Variants in COL20A1 observed in about 807,000 individuals in gnomAD.
The protein encoded by COL20A1 is collagen alpha-1(XX) chain.
A neutral mutation model predicts 152.9 loss-of-function variants in COL20A1; 164 were observed. The ratio of observed to expected loss-of-function variants is 1.07; its 90% CI spans 0.94 to 1.22. The LOEUF (loss-of-function observed/expected upper bound fraction) is 1.22. Among genes scored for constraint, COL20A1 ranks in the 50% most tolerant of loss-of-function variants. The pLI, the probability that COL20A1 is intolerant of heterozygous loss-of-function variation, is 0.00. For missense variants in COL20A1, 1,873 were observed against 1,744.8 expected (o/e 1.07, Z -1.31); for synonymous variants, 864 against 756.0 (o/e 1.14, Z -2.34).
intron 2 of COL20A1, among the ~76,000 whole-genome samples, chr20:63,295,681 G>A (rs1224105926): frequency 6.6e-6 from 1 of 152,216 alleles, no homozygotes; most frequent in African/African-American, 2.4e-5. Context: ...GCTGCTACTG[G>A]TTGGGGCGTT....
chr20:63,328,165 C>T, intron 33 of COL20A1, 38 bp downstream of exon 33: 1 of 1,609,534 alleles, frequency 6.2e-7, no homozygotes, highest in Non-Finnish European at 8.5e-7. Context: ...GCCAGCAGCC[C>T]TGCACCTGTG....
intron 20 of COL20A1, among the ~76,000 whole-genome samples, chr20:63,315,674 A>C (rs770550734): frequency 2.6e-5 from 4 of 152,232 alleles, no homozygotes; most frequent in Non-Finnish European, 4.4e-5. Context: ...GGCAGAGCCC[A>C]GGCAGCGCTG....
In COL20A1 at chr20:63,319,968, C is replaced by A; in HGVS notation, c.2917-71C>A. The A allele has an allele frequency of 1.5e-6, 2 of 1,325,806 alleles. No homozygotes were observed. The highest frequency in any genetic ancestry group is 2.0e-6 in the Non-Finnish European group (2 of 1,012,982). The allele number at this position is 1,325,806 out of a possible 1,614,324, so 82.1% of individuals were successfully genotyped here. A position where few individuals can be genotyped will look rare whatever the true frequency, so the allele number is the denominator to read the frequency against. ...GATGGGTGTTACTCCCCAGCCCTGG[C>A]CTGGCCTTGGGGGCTCAGGTGGGCA... On this transcript the variant is annotated intron_variant, in intron 23 of 35. Transcript: ENST00000358894. The surrounding 1 kb of genome is among the most constrained non-coding windows in gnomAD (Gnocchi z 4.4).
rs755838084 is a variant in COL20A1, at chr20:63,309,824, C to A, written c.1172C>A (p.Ser391Tyr). The stretch of plus-strand genomic sequence containing the variant: ...CTGGTCCTGAGCCAGGTGACCTCCT[C>A]CAGCATCCGCCTGTCCTGGACTCCA... The part of the protein sequence containing the change: ...TSLVLSQVTS[S>Y]SIRLSWTPAP... Residue 391 changes from serine (S) to tyrosine (Y), a missense_variant, in exon 10 of 36, where the codon TCC (serine) becomes TAC (tyrosine). Transcript: ENST00000358894. 6.2e-7 allele frequency: 1 copy of A among 1,610,430 alleles called. No homozygotes were observed. The highest frequency in any genetic ancestry group is 1.1e-5 in the South Asian group (1 of 90,662).
rs767461715 is a variant in COL20A1, at chr20:63,310,449, C to G, written c.1332C>G (p.Val444=). 5.0e-6 allele frequency: 8 copies of G among 1,609,498 alleles called. No homozygotes were observed. The African/African-American group carries it at 9.4e-5, about 19-fold the overall frequency. ...TGGCCTCCCGCACAGAGTACCTGGT[C>G]TCCGTGTTCCCCATCTATGAGGGCG... is the stretch of plus-strand genomic sequence containing the variant. ...HNLASRTEYL[V]SVFPIYEGGV... Residue 444 remains valine, a synonymous_variant, in exon 11 of 36, where the codon GTC becomes GTG. Coordinates refer to ENST00000358894, the MANE Select transcript of COL20A1 (RefSeq NM_020882.4).
chr20:63,305,198 T>C lies in COL20A1; in HGVS notation c.194-219T>C, dbSNP rs1017203879. Among the ~76,000 whole-genome samples the C allele has an allele frequency of 6.6e-6, 1 of 151,810 alleles. No homozygotes were observed. Among genetic ancestry groups the C allele is most frequent in the Non-Finnish European group, 1.5e-5 (1 of 67,932 alleles). ...GATTCCTCTAGGGGGGTTTAGTAAG[T>C]GACATCTTCTTTTCACCGCCCCAAG... On this transcript the variant is annotated intron_variant, in intron 3 of 35. Coordinates refer to ENST00000358894, the MANE Select transcript of COL20A1 (RefSeq NM_020882.4). The surrounding 1 kb of genome is among the most constrained non-coding windows in gnomAD (Gnocchi z 4.9).
At chr20:63,312,709 G>T in intron 15 of COL20A1, 83 bp from the exon 16 acceptor site, 1 of 1,468,644 alleles carries the variant, frequency 6.8e-7, no homozygotes, top group South Asian at 1.3e-5. Context: ...GGGGTATAGG[G>T]TGCTCCTGGG....
chr20:63,329,781 G>A (rs2068308131), intron 35 of COL20A1, 120 bp downstream of exon 35: 3 of 696,248 alleles, frequency 4.3e-6, no homozygotes, highest in Non-Finnish European at 2.3e-6. Context: ...GGAGCACAAG[G>A]CCCAGCAGAG....
rs114790522 is a variant in COL20A1 at position 63,326,127 on chromosome 20, T to C, written c.3434T>C (p.Leu1145Pro). 5.4e-4 allele frequency: 875 copies of C among 1,612,566 alleles called. 1 individual carries two copies. In the African/African-American group the frequency reaches 8.1e-3, roughly 15 times the overall value. Residue 1145 changes from leucine to proline, a missense_variant, in exon 30 of 36, where the codon CTG becomes CCG. Leu to Pro is a moderately conservative substitution (Grantham distance 98). Transcript: ENST00000358894. Reference sequence around the variant, plus strand: ...AGAGGCCTGGAGGGAACTGCTGGCCTGCCTGGACCCCCTGGCCCCAGGGTA... The same window carrying C: ...AGAGGCCTGGAGGGAACTGCTGGCCCGCCTGGACCCCCTGGCCCCAGGGTA... ...GMRGLEGTAG[L>P]PGPPGPRGFQ...
intron 26 of COL20A1, 86 bp from the exon 27 acceptor site, chr20:63,321,972 C>A: frequency 1.8e-6 from 2 of 1,119,460 alleles, no homozygotes; most frequent in Non-Finnish European, 2.5e-6. Flanking sequence ...TCAGGGTGGG[C>A]CAGGCATGGG....
intron 34 of COL20A1, among the ~76,000 whole-genome samples, chr20:63,328,907 C>T (rs901191297): frequency 6.6e-6 from 1 of 151,998 alleles, no homozygotes; most frequent in African/African-American, 2.4e-5. Context: ...ACCCAGCGCA[C>T]AGTCGCAGGC....
At position 63,313,615 on chromosome 20, in the gene COL20A1, G is replaced by C. The variant is rs1363214237; in HGVS notation, c.2210-128G>C. 2 of 900,424 alleles carry C rather than the reference G, an allele frequency of 2.2e-6. No homozygotes were observed. The highest frequency in any genetic ancestry group is 3.4e-5 in the African/African-American group (2 of 59,290). 55.8% of individuals were successfully genotyped at this position (900,424 alleles called of 1,614,324 possible). ...CAGGGGGGTGATGCGGGCTGTGGTA[G>C]GGGTGTGGCATGATGTGGTGGAGGC... On this transcript the variant is annotated intron_variant, in intron 17 of 35. Coordinates refer to ENST00000358894, the MANE Select transcript of COL20A1 (RefSeq NM_020882.4). The surrounding 1 kb of genome is among the most constrained non-coding windows in gnomAD (Gnocchi z 5.9).
chr20:63,325,252 G>A (rs6089883), intron 27 of COL20A1, 189 bp from the exon 28 acceptor site: 9,976 of 704,638 alleles, frequency 0.014, 608 homozygotes, highest in African/African-American at 0.14. Flanking sequence ...GGCCCTACCC[G>A]CTGCCTGTGT....
At chr20:63,328,173 G>A (rs2068280100) in intron 33 of COL20A1, 46 bp downstream of exon 33, 18 of 1,605,366 alleles carry the variant, frequency 1.1e-5, no homozygotes, top group Non-Finnish European at 1.4e-5. Context: ...CCCTGCACCT[G>A]TGCCTACCAC....
At chr20:63,324,639 C>CAG (rs2068217303) in intron 27 of COL20A1, 1 of 152,556 alleles carries the variant, frequency 6.6e-6, no homozygotes, top group Admixed American at 6.5e-5. Context: ...CGTCGAAAAT[C>CAG]TGACGTGGTC....
intron 5 of COL20A1, 31 bp from the exon 6 acceptor site, chr20:63,307,459 C>A: frequency 1.3e-6 from 2 of 1,598,488 alleles, no homozygotes. Context: ...ATGGGCCTCA[C>A]CTAGCACCTG....
rs568565655 is a variant in COL20A1, at chr20:63,332,333, G to A, written c.*1617G>A. ...AGGACACCTAGGTCACTTGGCTTCT[G>A]TTGGGGAGCTGAGTTGCTTCAGATT... On this transcript the variant is annotated 3_prime_UTR_variant, in exon 36 of 36. Transcript: ENST00000358894. 3.3e-5 allele frequency: 5 copies of A among 152,460 alleles called. No homozygotes were observed. In the South Asian group the frequency reaches 1.0e-3, roughly 32 times the overall value. The allele number at this position is 152,460 out of a possible 1,614,324, so 9.4% of individuals were successfully genotyped here.
rs767600616 is a variant in COL20A1 at position 63,311,784 on chromosome 20, G to A, written c.1663+36G>A. The A allele has an allele frequency of 1.2e-5, 19 of 1,562,212 alleles. No individual in the cohort carries two copies. The highest frequency in any genetic ancestry group is 8.1e-5 in the South Asian group (7 of 86,272). ...CAACCCCGGCTGCCTGCCCACAGGC[G>A]GGTGCCCCATCTTGTTCCTCAGCCT... On this transcript the variant is annotated intron_variant, in intron 13 of 35. Coordinates refer to ENST00000358894, the MANE Select transcript of COL20A1 (RefSeq NM_020882.4). This position sits in a 1 kb window ranked among gnomAD's most constrained non-coding sequence, Gnocchi z 4.4.
chr20:63,325,084 C>T (rs1402162180), intron 27 of COL20A1: 1 of 399,222 alleles, frequency 2.5e-6, no homozygotes, highest in East Asian at 5.9e-5. Context: ...TGGGTTCTCC[C>T]AGACCCTCCC....
Sources: gnomAD v4.1 joint callset for allele counts (sites outside exome capture counted in the v4.1 genomes callset) on GRCh38, gnomAD v4.1.1 for gene constraint, Gnocchi (gnomAD v3.1) non-coding constraint, MANE v1.5 for transcripts, NCBI Gene and HGNC (gene_info 2026-07-23, HGNC 2026-07-21) for gene names.